The following PIGU variants were observed in gnomAD, a reference collection of about 807,000 sequenced individuals.
PIGU encodes the protein phosphatidylinositol glycan anchor biosynthesis class U, also known as GPI-anchor transamidase component PIGU.
Under a neutral mutation model 49.9 loss-of-function variants are expected in PIGU, and 24 were observed. The ratio of observed to expected loss-of-function variants is 0.48; its 90% CI spans 0.35 to 0.68. PIGU has a LOEUF of 0.68. Among genes scored for constraint, PIGU ranks in the 30% least tolerant of loss-of-function variants. The probability of loss-of-function intolerance (pLI) is 0.01; values close to 1 mark genes in which losing one functional copy is unlikely to be tolerated. For missense variants in PIGU, 490 were observed against 532.6 expected (o/e 0.92, Z 0.79); for synonymous variants, 220 against 205.7 (o/e 1.07, Z -0.59).
chr20:34,659,113 C>CGGGA (rs1986826959), intron 1 of PIGU, among the ~76,000 whole-genome samples: 1 of 131,780 alleles, frequency 7.6e-6, no homozygotes. Flanking sequence ...CCGCCCCGTC[C>CGGGA]GGGAGGTGAG....
chr20:34,640,189 C>T (rs1986106017), intron 4 of PIGU, among the ~76,000 whole-genome samples: 1 of 152,210 alleles, frequency 6.6e-6, no homozygotes, highest in Non-Finnish European at 1.5e-5. Flanking sequence ...GCAAAGGTGA[C>T]ACTGTGCCAG....
chr20:34,566,129 T>C (rs904099951), intron 11 of PIGU, among the ~76,000 whole-genome samples: 1 of 151,860 alleles, frequency 6.6e-6, no homozygotes, highest in East Asian at 1.9e-4. Context: ...TGCTCAGAAG[T>C]TCCCTGGCTC....
At chr20:34,654,397 G>C (rs544573821) in intron 2 of PIGU, among the ~76,000 whole-genome samples, 1 of 109,994 alleles carries the variant, frequency 9.1e-6, no homozygotes, top group East Asian at 2.9e-4. Flanking sequence ...CAGGGTGGGG[G>C]AAGGGGGAGG....
At chr20:34,598,283 G>C (rs868824690) in intron 7 of PIGU, among the ~76,000 whole-genome samples, 11 of 152,278 alleles carry the variant, frequency 7.2e-5, no homozygotes, top group South Asian at 6.2e-4. Flanking sequence ...CCTGAGGTGG[G>C]ATGGAACTTG....
chr20:34,634,658 G>T lies in PIGU; in HGVS notation c.486C>A (p.Ile162=). The T allele has an allele frequency of 6.2e-7, 1 of 1,613,240 alleles. No individual in the cohort carries two copies. ...LSCVAKSTCA[I]NNTLIAFFIL... Reference sequence around the variant, plus strand: ...TGAAGAAAGCAATGAGGGTGTTGTTGATGGCACAGGTAGACTTGGCAACAC... The same window carrying T: ...TGAAGAAAGCAATGAGGGTGTTGTTTATGGCACAGGTAGACTTGGCAACAC... Residue 162 remains isoleucine, a synonymous_variant, in exon 6 of 12, where the codon ATC becomes ATA. Transcript: ENST00000217446.
At chr20:34,579,199 A>G (rs1397235108) in intron 10 of PIGU, 1 of 152,242 alleles carries the variant, frequency 6.6e-6, no homozygotes, top group Non-Finnish European at 1.5e-5. Flanking sequence ...AATAAAAACA[A>G]AACAAACACA....
intron 7 of PIGU, among the ~76,000 whole-genome samples, chr20:34,609,108 T>C (rs1452034762): frequency 6.6e-6 from 1 of 151,880 alleles, no homozygotes; most frequent in Non-Finnish European, 1.5e-5. Context: ...AGTGAGACCC[T>C]GTCTCTAAAA....
chr20:34,586,873 T>C (rs1302312822), intron 8 of PIGU, among the ~76,000 whole-genome samples: 1 of 152,178 alleles, frequency 6.6e-6, no homozygotes, highest in Non-Finnish European at 1.5e-5. Flanking sequence ...GAGGCTGGTA[T>C]TTGCTTTGGA....
intron 2 of PIGU, among the ~76,000 whole-genome samples, chr20:34,650,594 T>G (rs1050260007): frequency 4.0e-5 from 6 of 151,896 alleles, no homozygotes; most frequent in African/African-American, 1.5e-4. Flanking sequence ...AAAGTCCAAG[T>G]AGTTTGATAA....
intron 7 of PIGU, among the ~76,000 whole-genome samples, chr20:34,597,458 T>C (rs534259484): frequency 2.6e-5 from 4 of 152,332 alleles, no homozygotes; most frequent in African/African-American, 9.6e-5. Flanking sequence ...AACAGTTGTG[T>C]CTGAGGAAAT....
intron 7 of PIGU, among the ~76,000 whole-genome samples, chr20:34,592,185 T>C (rs1600608033): frequency 7.1e-6 from 1 of 140,990 alleles, no homozygotes; most frequent in African/African-American, 2.7e-5. Context: ...CAAGACTCCG[T>C]CTCAAAAAAA....
intron 5 of PIGU, among the ~76,000 whole-genome samples, chr20:34,636,617 C>A (rs1985972708): frequency 6.6e-6 from 1 of 152,106 alleles, no homozygotes; most frequent in South Asian, 2.1e-4. Context: ...GGAAGGACCA[C>A]CAAATGGATA....
At chr20:34,659,237 G>T (rs1373362832) in intron 1 of PIGU, among the ~76,000 whole-genome samples, 1 of 91,364 alleles carries the variant, frequency 1.1e-5, no homozygotes, top group Non-Finnish European at 2.3e-5. Context: ...CAGCCGCCCC[G>T]TCCGGGAGGG....
At chr20:34,579,491 C>T (rs1186734354) in intron 10 of PIGU, 1 of 152,220 alleles carries the variant, frequency 6.6e-6, no homozygotes, top group Non-Finnish European at 1.5e-5. Context: ...ATATATTCAA[C>T]GTAGGCTTAA....
At position 34,583,608 on chromosome 20, in the gene PIGU, C is replaced by T. The variant is rs555200194; in HGVS notation, c.926+1829G>A. 3.2e-4 allele frequency among the ~76,000 whole-genome samples: 48 copies of T among 152,354 alleles called. 1 individual carries two copies. Among genetic ancestry groups the T allele is most frequent in the Admixed American group, 8.5e-4 (13 of 15,308 alleles). On this transcript the variant is annotated intron_variant, in intron 9 of 11. Transcript: ENST00000217446. Reference sequence around the variant, plus strand: ...TTTGCATGCAGACAATAAAAGCTGCCGGAGAGCTGGCTGCACGGCCAGTGC... The same window carrying T: ...TTTGCATGCAGACAATAAAAGCTGCTGGAGAGCTGGCTGCACGGCCAGTGC...
chr20:34,622,606 T>C (rs1345540411), intron 6 of PIGU, among the ~76,000 whole-genome samples: 3 of 152,030 alleles, frequency 2.0e-5, no homozygotes, highest in East Asian at 1.9e-4. Flanking sequence ...GCTTGCACAG[T>C]CATCCAAAAA....
At chr20:34,570,974 C>T (rs1305666240) in intron 11 of PIGU, among the ~76,000 whole-genome samples, 1 of 152,218 alleles carries the variant, frequency 6.6e-6, no homozygotes, top group African/African-American at 2.4e-5. Context: ...GTTGCTCTTG[C>T]TGTTTCCCAT....
chr20:34,590,582 A>G (rs779742686), intron 7 of PIGU, among the ~76,000 whole-genome samples: 44 of 85,346 alleles, frequency 5.2e-4, no homozygotes, highest in African/African-American at 1.2e-3. Flanking sequence ...GTAACGTAAC[A>G]TAACATAACA....
chr20:34,605,504 A>G (rs1356077923), intron 7 of PIGU, among the ~76,000 whole-genome samples: 1 of 152,202 alleles, frequency 6.6e-6, no homozygotes, highest in Non-Finnish European at 1.5e-5. Flanking sequence ...ATGTCCTTTC[A>G]TGAACATTTG....
Sources: allele counts gnomAD v4.1 joint callset (sites outside exome capture counted in the v4.1 genomes callset), GRCh38; gene constraint gnomAD v4.1.1; transcripts MANE v1.5; gene names NCBI Gene and HGNC (gene_info 2026-07-23, HGNC 2026-07-21).